Variants in RBFOX1 observed in about 807,000 individuals in gnomAD.
The protein encoded by RBFOX1 is RNA binding protein fox-1 homolog 1.
A neutral mutation model predicts 57.7 loss-of-function variants in RBFOX1; 8 were observed. That is an observed-to-expected ratio of 0.14 (90% CI 0.08 to 0.25). The LOEUF is 0.25. RBFOX1 is among the 10% of genes least tolerant of loss of function. The probability of loss-of-function intolerance (pLI) is 1.00; values close to 1 mark genes in which losing one functional copy is unlikely to be tolerated. For synonymous variants in RBFOX1, 326 were observed against 222.4 expected, an observed-to-expected ratio of 1.47 and a Z score of -4.15; for missense variants, 611 against 548.5, an observed-to-expected ratio of 1.11 and a Z score of -1.14.
intron 4 of RBFOX1, among the ~76,000 whole-genome samples, chr16:5,973,605 C>A (rs1470736024): frequency 6.6e-6 from 1 of 152,160 alleles, no homozygotes; most frequent in Non-Finnish European, 1.5e-5. Context: ...TTGACTAGGC[C>A]ATGGGGTGCC....
chr16:5,285,789 C>G (rs372334799), intron 1 of RBFOX1, among the ~76,000 whole-genome samples: 1 of 151,980 alleles, frequency 6.6e-6, no homozygotes, highest in Admixed American at 6.6e-5. Context: ...GTTGTCGTTG[C>G]TGAGATGGAG....
At chr16:6,741,466 C>G (rs540445333) in intron 3 of RBFOX1, among the ~76,000 whole-genome samples, 26 of 152,134 alleles carry the variant, frequency 1.7e-4, no homozygotes, top group Non-Finnish European at 3.4e-4. Context: ...GAGTTCGAGA[C>G]CAGCCTGGCT....
intron 4 of RBFOX1, among the ~76,000 whole-genome samples, chr16:7,426,648 G>T (rs559832967): frequency 2.4e-4 from 36 of 152,314 alleles, no homozygotes; most frequent in South Asian, 6.2e-4. Context: ...CTTGGTCTTG[G>T]AGGTTGTGGG....
At chr16:5,314,022 T>A (rs1270332452) in intron 1 of RBFOX1, among the ~76,000 whole-genome samples, 1 of 152,168 alleles carries the variant, frequency 6.6e-6, no homozygotes, top group East Asian at 1.9e-4. Context: ...CAACACGTAA[T>A]AATAGTAATA....
At chr16:6,967,038 G>T (rs926196332) in intron 3 of RBFOX1, among the ~76,000 whole-genome samples, 7 of 151,776 alleles carry the variant, frequency 4.6e-5, no homozygotes, top group Non-Finnish European at 1.0e-4. Context: ...TTATCTGTAC[G>T]TGCATCCACC....
chr16:6,455,554 G>T (rs918738192), intron 2 of RBFOX1, among the ~76,000 whole-genome samples: 7 of 152,270 alleles, frequency 4.6e-5, no homozygotes, highest in East Asian at 3.9e-4. Flanking sequence ...TGATGAAAAC[G>T]ATCACCATAA....
intron 3 of RBFOX1, among the ~76,000 whole-genome samples, chr16:6,790,564 C>A (rs939072671): frequency 6.6e-6 from 1 of 152,136 alleles, no homozygotes; most frequent in African/African-American, 2.4e-5. Flanking sequence ...CTCTATTCCC[C>A]CAAACCATTG....
intron 4 of RBFOX1, among the ~76,000 whole-genome samples, chr16:7,253,297 C>G (rs970684533): frequency 7.9e-5 from 12 of 152,282 alleles, no homozygotes; most frequent in Admixed American, 5.9e-4. Context: ...TGGAGCTATT[C>G]AGAAATTCGT....
intron 4 of RBFOX1, among the ~76,000 whole-genome samples, chr16:7,136,872 C>A (rs2072165733): frequency 1.3e-5 from 2 of 152,198 alleles, no homozygotes; most frequent in Non-Finnish European, 2.9e-5. Flanking sequence ...CTCTCATACA[C>A]AAAATCTACT....
intron 3 of RBFOX1, among the ~76,000 whole-genome samples, chr16:5,757,829 G>C (rs1597126598): frequency 6.6e-6 from 1 of 152,114 alleles, no homozygotes; most frequent in African/African-American, 2.4e-5. Flanking sequence ...TCTGATTTCT[G>C]GGCTCATGCT....
intron 1 of RBFOX1, among the ~76,000 whole-genome samples, chr16:5,337,345 A>T (rs2064923509): frequency 6.6e-6 from 1 of 152,170 alleles, no homozygotes; most frequent in Non-Finnish European, 1.5e-5. Flanking sequence ...CCTGGTGGGT[A>T]TTGGTGAGTG....
intron 3 of RBFOX1, among the ~76,000 whole-genome samples, chr16:6,746,054 C>A (rs1354432727): frequency 6.6e-6 from 1 of 152,080 alleles, no homozygotes; most frequent in Non-Finnish European, 1.5e-5. Context: ...CTTAGAGGAA[C>A]AAATCTGATG....
chr16:7,490,386 T>C (rs1487057270), intron 4 of RBFOX1, among the ~76,000 whole-genome samples: 1 of 152,196 alleles, frequency 6.6e-6, no homozygotes, highest in Non-Finnish European at 1.5e-5. Context: ...GAATCTCTAC[T>C]GGAGCTTGTA....
At chr16:7,562,358 G>A (rs2090588816) in intron 5 of RBFOX1, among the ~76,000 whole-genome samples, 1 of 152,146 alleles carries the variant, frequency 6.6e-6, no homozygotes, top group Non-Finnish European at 1.5e-5. Context: ...TCTTGAAAGA[G>A]CCTGAAGTTA....
chr16:6,600,699 A>T (rs1361599847), intron 2 of RBFOX1, among the ~76,000 whole-genome samples: 1 of 152,326 alleles, frequency 6.6e-6, no homozygotes, highest in South Asian at 2.1e-4. Flanking sequence ...TTATAGATTT[A>T]CCATTTAGGA....
intron 5 of RBFOX1, among the ~76,000 whole-genome samples, chr16:7,530,549 C>T (rs2079795192): frequency 6.6e-6 from 1 of 151,926 alleles, no homozygotes; most frequent in Admixed American, 6.6e-5. Context: ...TCTCCTGCTG[C>T]TCCTGGTGGT....
chr16:6,781,797 G>T (rs1567222675), intron 3 of RBFOX1, among the ~76,000 whole-genome samples: 1 of 151,894 alleles, frequency 6.6e-6, no homozygotes, highest in Non-Finnish European at 1.5e-5. Context: ...CATATATTTG[G>T]ACATTCTCTC....
chr16:7,703,104 C>G (rs1054425200), intron 14 of RBFOX1, among the ~76,000 whole-genome samples: 5 of 144,160 alleles, frequency 3.5e-5, no homozygotes, highest in African/African-American at 7.4e-5. Context: ...GCTTTTAGAA[C>G]CACTGAACCA....
intron 1 of RBFOX1, among the ~76,000 whole-genome samples, chr16:6,234,397 C>T (rs2097489275): frequency 6.6e-6 from 1 of 152,146 alleles, no homozygotes; most frequent in Non-Finnish European, 1.5e-5. Context: ...AACTGTAAGT[C>T]CCATGAGGAT....
Sources: gnomAD v4.1 joint callset for allele counts (sites outside exome capture counted in the v4.1 genomes callset) on GRCh38, gnomAD v4.1.1 for gene constraint, MANE v1.5 for transcripts, NCBI Gene and HGNC (gene_info 2026-07-23, HGNC 2026-07-21) for gene names.